The following PLCB1 variants were observed in gnomAD, a reference collection of about 807,000 sequenced individuals.
PLCB1 encodes 1-phosphatidylinositol 4,5-bisphosphate phosphodiesterase beta-1.
In PLCB1, 46 loss-of-function variants were observed where a neutral mutation model predicts 161.8. The ratio of observed to expected loss-of-function variants is 0.28; its 90% CI spans 0.22 to 0.36. PLCB1 has a LOEUF of 0.36. Ranked by LOEUF, PLCB1 falls within the 10% of genes least tolerant of loss-of-function variation. PLCB1 has a pLI of 1.00. For synonymous variants in PLCB1, 517 were observed against 503.7 expected (o/e 1.03, Z -0.35); for missense variants, 1,016 against 1,472.5 (o/e 0.69, Z 5.07).
intron 3 of PLCB1, among the ~76,000 whole-genome samples, chr20:8,417,535 A>C (rs1703638): frequency 2.4e-4 from 36 of 152,036 alleles, no homozygotes; most frequent in African/African-American, 7.5e-4. Flanking sequence ...GCATTGGTCG[A>C]GTGCCTTGTA....
intron 3 of PLCB1, among the ~76,000 whole-genome samples, chr20:8,430,853 G>A (rs1295634384): frequency 6.6e-6 from 1 of 152,068 alleles, no homozygotes; most frequent in African/African-American, 2.4e-5. Context: ...AGCTACTCAG[G>A]AGGCTGAGGC....
At chr20:8,785,028 A>G (rs1403628757) in intron 27 of PLCB1, among the ~76,000 whole-genome samples, 1 of 152,176 alleles carries the variant, frequency 6.6e-6, no homozygotes, top group East Asian at 1.9e-4. Flanking sequence ...AAATGGTGAC[A>G]TCCCTTTGTG....
chr20:8,229,442 T>C (rs142727200), intron 2 of PLCB1, among the ~76,000 whole-genome samples: 1 of 152,268 alleles, frequency 6.6e-6, no homozygotes, highest in East Asian at 1.9e-4. Flanking sequence ...CTGATATAGA[T>C]CCACAGTCCA....
intron 31 of PLCB1, among the ~76,000 whole-genome samples, chr20:8,790,730 C>G (rs2146223589): frequency 1.3e-5 from 2 of 152,234 alleles, no homozygotes; most frequent in South Asian, 4.1e-4. Context: ...AAAAGCAAAT[C>G]TTTTGTTTCC....
intron 3 of PLCB1, among the ~76,000 whole-genome samples, chr20:8,421,519 AATACATTTGTGAAACC>A (rs1411750673): frequency 1.4e-4 from 22 of 152,334 alleles, no homozygotes; most frequent in African/African-American, 5.1e-4. Flanking sequence ...ATGTAATATC[AATACATTTGTGAAACC>A]TCATATGTCA....
At chr20:8,861,277 G>T (rs1987244389) in intron 31 of PLCB1, among the ~76,000 whole-genome samples, 1 of 152,204 alleles carries the variant, frequency 6.6e-6, no homozygotes, top group Non-Finnish European at 1.5e-5. Context: ...TTGTATTAAT[G>T]ATATGTGATC....
At chr20:8,741,323 A>G in intron 22 of PLCB1, 141 bp from the exon 23 acceptor site, 1 of 562,780 alleles carries the variant, frequency 1.8e-6, no homozygotes, top group Non-Finnish European at 3.3e-6. Flanking sequence ...GACTGGGTGG[A>G]TGGATGGATG....
At chr20:8,241,623 C>G (rs1296409786) in intron 2 of PLCB1, among the ~76,000 whole-genome samples, 1 of 151,868 alleles carries the variant, frequency 6.6e-6, no homozygotes, top group Non-Finnish European at 1.5e-5. Flanking sequence ...CTAATCTATG[C>G]TCACAAGACT....
intron 9 of PLCB1, among the ~76,000 whole-genome samples, chr20:8,662,338 T>G (rs1477289588): frequency 2.4e-5 from 3 of 125,632 alleles, no homozygotes; most frequent in Non-Finnish European, 4.7e-5. Context: ...ATTTATTATA[T>G]AATTATGTAT....
chr20:8,712,726 T>C (rs957190662), intron 12 of PLCB1, among the ~76,000 whole-genome samples: 3 of 152,152 alleles, frequency 2.0e-5, no homozygotes, highest in African/African-American at 7.2e-5. Context: ...GTTGGTTTAG[T>C]TCAAACTGGA....
intron 3 of PLCB1, among the ~76,000 whole-genome samples, chr20:8,501,663 A>G (rs73896897): frequency 0.03 from 4,634 of 152,184 alleles, 240 homozygotes; most frequent in African/African-American, 0.11. Context: ...ATAGGTGGTA[A>G]GAAACATACC....
chr20:8,523,603 A>T (rs1425105692), intron 3 of PLCB1, among the ~76,000 whole-genome samples: 1 of 148,866 alleles, frequency 6.7e-6, no homozygotes, highest in East Asian at 2.0e-4. Flanking sequence ...TGAGAATTTG[A>T]TTGAAAGTCT....
chr20:8,612,475 C>T (rs1987931302), intron 3 of PLCB1, among the ~76,000 whole-genome samples: 1 of 152,088 alleles, frequency 6.6e-6, no homozygotes, highest in East Asian at 1.9e-4. Context: ...AACCCAACTC[C>T]CTGTAGTAAA....
intron 26 of PLCB1, among the ~76,000 whole-genome samples, chr20:8,770,535 G>A (rs1982623572): frequency 6.6e-6 from 1 of 152,210 alleles, no homozygotes; most frequent in Admixed American, 6.5e-5. Flanking sequence ...AGGTCCAGAT[G>A]ACATGTGCCC....
intron 2 of PLCB1, among the ~76,000 whole-genome samples, chr20:8,241,004 G>A (rs1023548324): frequency 1.3e-5 from 2 of 151,972 alleles, no homozygotes; most frequent in Middle Eastern, 3.4e-3. Context: ...TGGTGAACAC[G>A]AGATTCTTTA....
Position 8,196,718 on chromosome 20 carries a change from T to G in PLCB1, c.177+46347T>G, listed in dbSNP as rs189810781. 9.2e-3 allele frequency among the ~76,000 whole-genome samples: 1,401 copies of G among 151,780 alleles called. 23 individuals are homozygous for G. The highest frequency in any genetic ancestry group is 0.031 in the African/African-American group (1,297 of 41,370). On this transcript the variant is annotated intron_variant, in intron 2 of 31. Transcript: ENST00000338037. ...AGTTCTAGGGTACATGTGCACAACG[T>G]GCAGGTTTGTTACATACGTATACAT... is the stretch of plus-strand genomic sequence containing the variant.
At chr20:8,818,723 A>G (rs563863542) in intron 31 of PLCB1, among the ~76,000 whole-genome samples, 1 of 152,306 alleles carries the variant, frequency 6.6e-6, no homozygotes, top group Admixed American at 6.5e-5. Context: ...ATGAATTGGA[A>G]GAGCCAATAG....
intron 31 of PLCB1, among the ~76,000 whole-genome samples, chr20:8,833,558 G>A (rs1986115947): frequency 6.6e-6 from 1 of 152,174 alleles, no homozygotes; most frequent in South Asian, 2.1e-4. Context: ...AGAGGAGGAG[G>A]AGGCAATGTG....
chr20:8,254,065 T>C (rs1981287865), intron 2 of PLCB1, among the ~76,000 whole-genome samples: 1 of 151,962 alleles, frequency 6.6e-6, no homozygotes, highest in South Asian at 2.1e-4. Flanking sequence ...TATTCACACA[T>C]ATATTGAAAG....
Sources: gnomAD v4.1 joint callset for allele counts (sites outside exome capture counted in the v4.1 genomes callset) on GRCh38, gnomAD v4.1.1 for gene constraint, MANE v1.5 for transcripts, NCBI Gene and HGNC (gene_info 2026-07-23, HGNC 2026-07-21) for gene names.